LINGO1: variants seen among roughly 807,000 people sequenced by gnomAD.
LINGO1 encodes the protein leucine rich repeat and Ig domain containing 1.
In LINGO1, 11 loss-of-function variants were observed where a neutral mutation model predicts 37.3. That is an observed-to-expected ratio of 0.29 (90% CI 0.19 to 0.49). LINGO1 has a LOEUF of 0.49. Among genes scored for constraint, LINGO1 ranks in the 20% least tolerant of loss-of-function variants. LINGO1 has a pLI of 0.99. For missense variants in LINGO1, 585 were observed against 878.2 expected, an observed-to-expected ratio of 0.67 and a Z score of 4.22; for synonymous variants, 387 against 403.0, an observed-to-expected ratio of 0.96 and a Z score of 0.48.
At chr15:77,714,342 G>T (rs2075957620) in intron 2 of LINGO1, among the ~76,000 whole-genome samples, 1 of 152,158 alleles carries the variant, frequency 6.6e-6, no homozygotes, top group South Asian at 2.1e-4. Context: ...AGCAGCTGGA[G>T]AGATCTTTTT....
chr15:77,765,634 TCAAA>T (rs2076520541), intron 1 of LINGO1, among the ~76,000 whole-genome samples: 1 of 151,844 alleles, frequency 6.6e-6, no homozygotes, highest in Non-Finnish European at 1.5e-5. Context: ...GTGGGGAGGA[TCAAA>T]CTGAGGGTCT....
At chr15:77,647,970 T>G (rs146618809) in intron 3 of LINGO1, 118 of 455,560 alleles carry the variant, frequency 2.6e-4, no homozygotes, top group African/African-American at 2.3e-3. Context: ...CAGTGAGATA[T>G]CTATTTCCTT....
intron 1 of LINGO1, among the ~76,000 whole-genome samples, chr15:77,810,640 T>C (rs1174473661): frequency 6.6e-6 from 1 of 152,176 alleles, no homozygotes; most frequent in Non-Finnish European, 1.5e-5. Flanking sequence ...TCCCTGTGCC[T>C]CAGTTTCCTA....
intron 3 of LINGO1, among the ~76,000 whole-genome samples, chr15:77,673,255 C>A (rs1463640856): frequency 6.6e-6 from 1 of 151,418 alleles, no homozygotes; most frequent in Non-Finnish European, 1.5e-5. Flanking sequence ...GAACACAGGA[C>A]AATCTAAAAC....
At chr15:77,633,227 G>A (rs1213509746), upstream of LINGO1, among the ~76,000 whole-genome samples, 2 of 152,084 alleles carry the variant, frequency 1.3e-5, no homozygotes, top group Non-Finnish European at 2.9e-5. Flanking sequence ...CGGGTGTCGG[G>A]GAGTCCGGCG....
chr15:77,782,909 C>T (rs540838634), intron 1 of LINGO1, among the ~76,000 whole-genome samples: 2 of 152,140 alleles, frequency 1.3e-5, no homozygotes, highest in African/African-American at 2.4e-5. Flanking sequence ...TCCAGAGCAC[C>T]CCCCTGCTCC....
At chr15:77,663,397 C>T (rs989018422) in intron 3 of LINGO1, among the ~76,000 whole-genome samples, 1 of 152,142 alleles carries the variant, frequency 6.6e-6, no homozygotes, top group Non-Finnish European at 1.5e-5. Context: ...CCTGCCACCT[C>T]CCCCTGCCAC....
chr15:77,763,526 C>A (rs1340414260), intron 1 of LINGO1, among the ~76,000 whole-genome samples: 2 of 152,188 alleles, frequency 1.3e-5, no homozygotes, highest in East Asian at 3.9e-4. Flanking sequence ...CCCCCACTGA[C>A]TGACCCTCGA....
intron 2 of LINGO1, among the ~76,000 whole-genome samples, chr15:77,793,500 C>A (rs566453507): frequency 1.4e-4 from 22 of 152,358 alleles, no homozygotes; most frequent in Admixed American, 9.8e-4. Flanking sequence ...AGACACACTC[C>A]AAACTCCCCT....
In LINGO1 at chr15:77,756,481, G is replaced by GAC. The variant is rs1250857343; in HGVS notation, c.-256-21430_-256-21429dup. On this transcript the variant is annotated intron_variant, in intron 1 of 3. Transcript: ENST00000561686. ...ATACACTGACATACAATGACAGACA[G>GAC]ACAGACACACACACACACACACACA... Among the ~76,000 whole-genome samples the GAC allele has an allele frequency of 1.4e-3, 183 of 128,248 alleles. 1 individual carries two copies. The highest frequency in any genetic ancestry group is 4.8e-3 in the African/African-American group (159 of 33,128). 84.1% of individuals were successfully genotyped at this position (128,248 alleles called of 152,430 possible). A position where few individuals can be genotyped will look rare whatever the true frequency, so the allele number is the denominator to read the frequency against.
chr15:77,662,990 C>A (rs935128106), intron 3 of LINGO1, among the ~76,000 whole-genome samples: 2 of 152,244 alleles, frequency 1.3e-5, no homozygotes, highest in African/African-American at 4.8e-5. Context: ...AGGCAGGACT[C>A]CGCCTCTGGG....
chr15:77,757,428 C>T (rs926565200), intron 1 of LINGO1, among the ~76,000 whole-genome samples: 1 of 152,178 alleles, frequency 6.6e-6, no homozygotes, highest in Non-Finnish European at 1.5e-5. Flanking sequence ...GCTGTGGGAA[C>T]ACCACAGAGG....
At chr15:77,640,767 C>T (rs1338367618) in intron 3 of LINGO1, among the ~76,000 whole-genome samples, 2 of 152,232 alleles carry the variant, frequency 1.3e-5, no homozygotes, top group African/African-American at 2.4e-5. Context: ...AGGGTGAAGG[C>T]GAATGCTTCA....
chr15:77,721,738 G>A (rs915545564), intron 2 of LINGO1, among the ~76,000 whole-genome samples: 1 of 152,140 alleles, frequency 6.6e-6, no homozygotes, highest in Non-Finnish European at 1.5e-5. Context: ...CCTGCATAGC[G>A]TTGGCCTTGG....
At chr15:77,756,485 G>GACAC (rs35031617) in intron 1 of LINGO1, among the ~76,000 whole-genome samples, 3,531 of 140,734 alleles carry the variant, frequency 0.025, 116 homozygotes, top group African/African-American at 0.085. Context: ...CAGACAGACA[G>GACAC]ACACACACAC....
chr15:77,729,785 C>T, intron 2 of LINGO1, among the ~76,000 whole-genome samples: 1 of 152,220 alleles, frequency 6.6e-6, no homozygotes, highest in Non-Finnish European at 1.5e-5. Context: ...TTCATTCTGA[C>T]TACCAGGAAT....
upstream of LINGO1, among the ~76,000 whole-genome samples, chr15:77,697,765 G>A (rs2075715429): frequency 6.6e-6 from 1 of 152,146 alleles, no homozygotes; most frequent in Non-Finnish European, 1.5e-5. Context: ...CCAGGGCTGC[G>A]GTTTGGGAAA....
At chr15:77,760,729 T>C (rs929354443) in intron 1 of LINGO1, among the ~76,000 whole-genome samples, 8 of 151,998 alleles carry the variant, frequency 5.3e-5, no homozygotes, top group African/African-American at 1.9e-4. Flanking sequence ...AATCTCCCCC[T>C]ATGTCCTGCC....
chr15:77,748,868 T>A (rs1376976775), intron 1 of LINGO1, among the ~76,000 whole-genome samples: 2 of 144,634 alleles, frequency 1.4e-5, no homozygotes, highest in Non-Finnish European at 3.0e-5. Flanking sequence ...ATTTATTTAT[T>A]TATTTATTTA....
Sources: allele counts gnomAD v4.1 joint callset (sites outside exome capture counted in the v4.1 genomes callset), GRCh38; gene constraint gnomAD v4.1.1; transcripts MANE v1.5; gene names NCBI Gene and HGNC (gene_info 2026-07-23, HGNC 2026-07-21).